Variants in SLC9C2 observed in about 807,000 individuals in gnomAD.
SLC9C2 encodes sodium/hydrogen exchanger 11.
In SLC9C2, 75 loss-of-function variants were observed where a neutral mutation model predicts 140.2. The observed-to-expected ratio is 0.53, with a 90% CI of 0.44 to 0.65. The LOEUF (loss-of-function observed/expected upper bound fraction) is 0.65, where lower values mean the gene tolerates loss of function less well. SLC9C2 is among the 30% of genes least tolerant of loss of function. The probability of loss-of-function intolerance (pLI) is 0.00; values close to 1 mark genes in which losing one functional copy is unlikely to be tolerated. For missense variants in SLC9C2, 1,074 were observed against 1,331.8 expected (o/e 0.81, Z 3.01); for synonymous variants, 375 against 420.9 (o/e 0.89, Z 1.34).
intron 7 of SLC9C2, among the ~76,000 whole-genome samples, chr1:173,578,236 A>C (rs938544787): frequency 2.0e-5 from 3 of 152,164 alleles, no homozygotes; most frequent in East Asian, 1.9e-4. Context: ...TCTTTCATGA[A>C]TTATACATCA....
At chr1:173,522,178 T>C (rs79937537) in intron 21 of SLC9C2, among the ~76,000 whole-genome samples, 31,726 of 150,720 alleles carry the variant, frequency 0.21, 4,367 homozygotes, top group East Asian at 0.65. Flanking sequence ...GCCGAGATCG[T>C]GCCACTGCAT....
At chr1:173,524,150 C>T in intron 20 of SLC9C2, 56 bp from the exon 21 acceptor site, 2 of 1,487,466 alleles carry the variant, frequency 1.3e-6, no homozygotes, top group South Asian at 2.6e-5. Context: ...AAAATGGACA[C>T]TAGGGAAAAA....
At chr1:173,572,195 C>T (rs935471702) in intron 9 of SLC9C2, among the ~76,000 whole-genome samples, 7 of 152,264 alleles carry the variant, frequency 4.6e-5, no homozygotes, top group African/African-American at 1.7e-4. Context: ...TACTAGGGAG[C>T]AATGACTAAC....
chr1:173,557,636 C>T (rs1022044961), intron 9 of SLC9C2, 128 bp from the exon 10 acceptor site: 29 of 798,492 alleles, frequency 3.6e-5, no homozygotes, highest in Non-Finnish European at 5.3e-5. Flanking sequence ...ATGCAATTTA[C>T]TGTTAAGTCC....
At chr1:173,582,594 T>A (rs1367220770) in intron 6 of SLC9C2, among the ~76,000 whole-genome samples, 1 of 152,182 alleles carries the variant, frequency 6.6e-6, no homozygotes, top group Non-Finnish European at 1.5e-5. Context: ...CCCTCTTTAT[T>A]CATTAATATT....
intron 20 of SLC9C2, 75 bp from the exon 21 acceptor site, chr1:173,524,169 A>G (rs1661030219): frequency 7.4e-7 from 1 of 1,357,676 alleles, no homozygotes; most frequent in Non-Finnish European, 9.9e-7. Flanking sequence ...AACTAAGGAA[A>G]TCTAAATAAA....
At chr1:173,566,948 C>G (rs932823765) in intron 9 of SLC9C2, among the ~76,000 whole-genome samples, 2 of 151,998 alleles carry the variant, frequency 1.3e-5, no homozygotes, top group African/African-American at 4.8e-5. Flanking sequence ...CACTTTCATT[C>G]AGGAGCATTT....
chr1:173,581,992 A>G lies in SLC9C2; in HGVS notation c.657T>C (p.Ile219=), dbSNP rs910891041. 19 of 1,564,266 alleles carry G rather than the reference A, an allele frequency of 1.2e-5. No individual in the cohort carries two copies. The highest frequency in any genetic ancestry group is 1.6e-5 in the Non-Finnish European group (18 of 1,152,942). The change falls in exon 7 of 28, where the codon ATT becomes ATC. Residue 219 remains isoleucine, a synonymous_variant. Transcript: ENST00000367714. ...FSIFRDLHVG[I]ELSYDILGSI... is the part of the protein sequence containing the mutation. Reference sequence around the variant, plus strand: ...TTCCCAAAATGTCATAGCTGAGTTCAATGCCTACATGTAAATCTAAAAAAA... The same window carrying G: ...TTCCCAAAATGTCATAGCTGAGTTCGATGCCTACATGTAAATCTAAAAAAA...
chr1:173,546,451 C>T (rs888848105), intron 13 of SLC9C2, among the ~76,000 whole-genome samples: 26 of 152,254 alleles, frequency 1.7e-4, no homozygotes, highest in African/African-American at 6.0e-4. Flanking sequence ...CATGGTGGCA[C>T]GCACTTGTAA....
intron 18 of SLC9C2, among the ~76,000 whole-genome samples, chr1:173,528,476 A>C (rs1177262682): frequency 1.3e-5 from 2 of 152,200 alleles, no homozygotes; most frequent in Non-Finnish European, 2.9e-5. Context: ...TCTAATGCAG[A>C]TCAATCCAGC....
At chr1:173,597,778 T>A (rs1666526060) in intron 4 of SLC9C2, 126 bp downstream of exon 4, 6 of 994,468 alleles carry the variant, frequency 6.0e-6, no homozygotes, top group Non-Finnish European at 8.5e-6. Flanking sequence ...TTCTATAGAA[T>A]GAAGAGGGCA....
At position 173,506,944 on chromosome 1, in the gene SLC9C2, A is replaced by T; in HGVS notation, c.3137T>A (p.Phe1046Tyr). Residue 1046 changes from phenylalanine to tyrosine, a missense_variant, in exon 25 of 28, where the codon TTT becomes TAT. Transcript: ENST00000367714. Reference sequence around the variant, plus strand: ...TACACTGCCATACACAATGATAACAAATTTCATGGTCATATTATCAATAAT... The same window carrying T: ...TACACTGCCATACACAATGATAACATATTTCATGGTCATATTATCAATAAT... ...DMIIDNMTMK[F>Y]VIIVYGSVID... The T allele has an allele frequency of 6.2e-7, 1 of 1,613,448 alleles. No individual in the cohort carries two copies. The highest frequency in any genetic ancestry group is 1.1e-5 in the South Asian group (1 of 90,920).
chr1:173,501,107 A>G lies in SLC9C2; in HGVS notation c.3372-10T>C, dbSNP rs1444220247. On this transcript the variant is annotated splice_polypyrimidine_tract_variant and intron_variant, in intron 27 of 27. Coordinates refer to ENST00000367714, the MANE Select transcript of SLC9C2 (RefSeq NM_178527.4). ...GGTATCCAGTTTTCAACTATAAAAG[A>G]AAGTCAAAAGTTAAATATTAGCCTA... The G allele has an allele frequency of 6.5e-7, 1 of 1,533,778 alleles. No individual in the cohort carries two copies. The highest frequency in any genetic ancestry group is 1.4e-5 in the African/African-American group (1 of 71,902).
rs1553254329 is a variant in SLC9C2, at chr1:173,554,760, C to T, written c.1270G>A (p.Val424Met). The T allele has an allele frequency of 3.7e-6, 6 of 1,607,916 alleles. No individual in the cohort carries two copies. The highest frequency in any genetic ancestry group is 2.2e-5 in the East Asian group (1 of 44,812). ...AACTTCCTGGCTGACTGAGTCATCA[C>T]GTATGAATTTATTCCCATTGTCAAT... Reference protein sequence around the residue: ...SLLTMGINSYVMTQSARKLDL... With the variant: ...SLLTMGINSYMMTQSARKLDL... The change falls in exon 11 of 28, where the codon GTG becomes ATG. Residue 424 changes from valine (V) to methionine (M), a missense_variant. Val to Met is a conservative substitution (Grantham distance 21). Coordinates refer to ENST00000367714, the MANE Select transcript of SLC9C2 (RefSeq NM_178527.4).
At chr1:173,551,592 T>G (rs1233867134) in intron 11 of SLC9C2, among the ~76,000 whole-genome samples, 1 of 152,226 alleles carries the variant, frequency 6.6e-6, no homozygotes, top group East Asian at 1.9e-4. Context: ...ATTATTATTA[T>G]ATCCATGATG....
At chr1:173,534,425 T>C in intron 16 of SLC9C2, 59 bp downstream of exon 16, 1 of 1,467,004 alleles carries the variant, frequency 6.8e-7, no homozygotes, top group South Asian at 1.3e-5. Flanking sequence ...TATGACAAAA[T>C]AGATTCAAAA....
Position 173,524,924 on chromosome 1 carries a change from A to T in SLC9C2, c.2369T>A (p.Leu790His), listed in dbSNP as rs1661091389. Residue 790 changes from leucine (L) to histidine (H), a missense_variant, in exon 20 of 28, where the codon CTC becomes CAC. Leu to His is a moderately conservative substitution (Grantham distance 99). Coordinates refer to ENST00000367714, the MANE Select transcript of SLC9C2 (RefSeq NM_178527.4). ...AACATCACGACCCTCATGCTCCATGAGTACTACAGCAAAGAAAATAAAATT... is the reference window on the plus strand; with the variant it reads ...AACATCACGACCCTCATGCTCCATGTGTACTACAGCAAAGAAAATAAAATT... The part of the protein sequence containing the change: ...NKQDAVKELV[L>H]MEHEGRDVVI... 6.2e-7 allele frequency: 1 copy of T among 1,613,900 alleles called. No homozygotes were observed. Among genetic ancestry groups the T allele is most frequent in the African/African-American group, 1.3e-5 (1 of 75,054 alleles).
At chr1:173,505,135 T>C in intron 26 of SLC9C2, 112 bp downstream of exon 26, 5 of 881,484 alleles carry the variant, frequency 5.7e-6, no homozygotes, top group Non-Finnish European at 8.9e-6. Context: ...TGGGGACTAA[T>C]GATAAACCCA....
chr1:173,598,602 TAA>T (rs927902166), intron 3 of SLC9C2, among the ~76,000 whole-genome samples: 49 of 152,338 alleles, frequency 3.2e-4, no homozygotes, highest in African/African-American at 1.1e-3. Context: ...TATTCCCTCC[TAA>T]AAAGTTTATT....
Sources: gnomAD v4.1 joint callset for allele counts (sites outside exome capture counted in the v4.1 genomes callset) on GRCh38, gnomAD v4.1.1 for gene constraint, MANE v1.5 for transcripts, NCBI Gene and HGNC (gene_info 2026-07-23, HGNC 2026-07-21) for gene names.